The following MCC variants were observed in gnomAD, a reference collection of about 807,000 sequenced individuals.
The protein encoded by MCC is colorectal mutant cancer protein.
Under a neutral mutation model 116.2 loss-of-function variants are expected in MCC, and 90 were observed. The ratio of observed to expected loss-of-function variants is 0.77; its 90% CI spans 0.65 to 0.92. MCC has a LOEUF of 0.92. Among genes scored for constraint, MCC ranks in the 40% least tolerant of loss-of-function variants. The probability of loss-of-function intolerance (pLI) is 0.00; values close to 1 mark genes in which losing one functional copy is unlikely to be tolerated. For missense variants in MCC, 1,516 were observed against 1,312.2 expected, an observed-to-expected ratio of 1.16 and a Z score of -2.40; for synonymous variants, 578 against 510.5, an observed-to-expected ratio of 1.13 and a Z score of -1.78.
chr5:113,143,163 C>T (rs1309711785), intron 5 of MCC, 55 bp downstream of exon 5: 6 of 1,518,214 alleles, frequency 4.0e-6, no homozygotes, highest in South Asian at 1.3e-5. Context: ...ACTTCAGCTC[C>T]AAGATGGAGG....
intron 3 of MCC, among the ~76,000 whole-genome samples, chr5:113,321,586 G>A (rs1767424253): frequency 6.6e-6 from 1 of 152,212 alleles, no homozygotes; most frequent in Non-Finnish European, 1.5e-5. Context: ...TTGAGAGATA[G>A]CTTCTCAATT....
intron 3 of MCC, among the ~76,000 whole-genome samples, chr5:113,161,625 T>TGTGTGTGTGTGTGTGA (rs1760491098): frequency 1.2e-3 from 1 of 816 alleles, no homozygotes; most frequent in African/African-American, 1.6e-3. Context: ...GATTTATGTG[T>TGTGTGTGTGTGTGTGA]GTGTGTGTGT....
At chr5:113,053,104 T>C (rs1437675641) in intron 15 of MCC, among the ~76,000 whole-genome samples, 1 of 152,158 alleles carries the variant, frequency 6.6e-6, no homozygotes, top group African/African-American at 2.4e-5. Flanking sequence ...GTTTAACTAC[T>C]TCCCAGTAGG....
intron 1 of MCC, among the ~76,000 whole-genome samples, chr5:113,429,493 G>C (rs1384119136): frequency 6.6e-6 from 1 of 152,158 alleles, no homozygotes; most frequent in African/African-American, 2.4e-5. Flanking sequence ...ACTAAGATAG[G>C]GGGTGAAGGG....
chr5:113,230,671 T>C (rs778282129), intron 3 of MCC, among the ~76,000 whole-genome samples: 1 of 152,172 alleles, frequency 6.6e-6, no homozygotes, highest in South Asian at 2.1e-4. Context: ...ACTCTTCCTA[T>C]ATTTGGAGGA....
intron 1 of MCC, among the ~76,000 whole-genome samples, chr5:113,457,116 A>G (rs960597724): frequency 2.0e-5 from 3 of 151,954 alleles, no homozygotes; most frequent in African/African-American, 7.3e-5. Context: ...GCCAGAGCCC[A>G]CTCCCTCAGC....
intron 3 of MCC, among the ~76,000 whole-genome samples, chr5:113,303,690 T>C (rs1399327943): frequency 2.0e-5 from 3 of 152,116 alleles, no homozygotes; most frequent in Non-Finnish European, 4.4e-5. Flanking sequence ...AGACAGAGTC[T>C]CACTCTGTCG....
intron 5 of MCC, among the ~76,000 whole-genome samples, chr5:113,139,951 G>A (rs2150283795): frequency 6.6e-6 from 1 of 152,140 alleles, no homozygotes; most frequent in South Asian, 2.1e-4. Flanking sequence ...AAGAGCTTCT[G>A]CATAGCAAAA....
chr5:113,126,775 G>T (rs4705544), intron 5 of MCC, among the ~76,000 whole-genome samples: 76,786 of 151,998 alleles, frequency 0.51, 21,216 homozygotes, highest in East Asian at 0.72. Context: ...GTCAACAGTA[G>T]ACTATTAGTA....
At chr5:113,064,542 G>A (rs1351554170) in intron 13 of MCC, among the ~76,000 whole-genome samples, 1 of 152,184 alleles carries the variant, frequency 6.6e-6, no homozygotes, top group African/African-American at 2.4e-5. Context: ...CTGTGCATTG[G>A]CACTTCCCTG....
At chr5:113,031,057 C>A (rs1335117203) in intron 17 of MCC, among the ~76,000 whole-genome samples, 1 of 152,130 alleles carries the variant, frequency 6.6e-6, no homozygotes, top group Non-Finnish European at 1.5e-5. Context: ...TTTCATATAT[C>A]TAATCTTTTA....
At chr5:113,488,106 T>C in intron 1 of MCC, 139 bp downstream of exon 1, 1 of 859,482 alleles carries the variant, frequency 1.2e-6, no homozygotes, top group South Asian at 2.2e-5. Flanking sequence ...GGCTACGCGC[T>C]CTCGGAGTCG....
intron 1 of MCC, among the ~76,000 whole-genome samples, chr5:113,478,261 G>T (rs1580427100): frequency 6.6e-6 from 1 of 152,138 alleles, no homozygotes; most frequent in Admixed American, 6.5e-5. Context: ...GCTGCTGTAT[G>T]CCTGGGCCTT....
chr5:113,412,087 T>C (rs1041829050), intron 1 of MCC, among the ~76,000 whole-genome samples: 1 of 152,170 alleles, frequency 6.6e-6, no homozygotes, highest in African/African-American at 2.4e-5. Flanking sequence ...GTTGTAGATG[T>C]GTGGTGTTAT....
chr5:113,171,553 C>A (rs1761072587), intron 3 of MCC, among the ~76,000 whole-genome samples: 1 of 152,032 alleles, frequency 6.6e-6, no homozygotes, highest in Admixed American at 6.6e-5. Context: ...CAGGGTTTCA[C>A]CATGTTGCCC....
intron 3 of MCC, among the ~76,000 whole-genome samples, chr5:113,233,757 T>C (rs1764025423): frequency 6.6e-6 from 1 of 152,202 alleles, no homozygotes; most frequent in Non-Finnish European, 1.5e-5. Context: ...CTGAGTCACC[T>C]AAGATATATT....
rs555440673 is a variant in MCC at position 113,026,134 on chromosome 5, C to T, written c.*1168G>A. 4.6e-5 allele frequency: 7 copies of T among 152,344 alleles called. No homozygotes were observed. The East Asian group carries it at 1.2e-3, about 25-fold the overall frequency. The allele number at this position is 152,344 out of a possible 1,614,324, so 9.4% of individuals were successfully genotyped here. On this transcript the variant is annotated 3_prime_UTR_variant, in exon 19 of 19. Coordinates refer to ENST00000408903, the MANE Select transcript of MCC (RefSeq NM_001085377.2). ...CTTTGGTACTGCCTAGCCCTGTAAG[C>T]ATTTTGCTTGAAATTTAACCTTTTA...
intron 11 of MCC, among the ~76,000 whole-genome samples, chr5:113,076,296 G>C (rs999347061): frequency 6.6e-6 from 1 of 152,112 alleles, no homozygotes; most frequent in African/African-American, 2.4e-5. Flanking sequence ...TCACATTCAG[G>C]AAATACAGAG....
rs923287682 is a variant in MCC at position 113,115,675 on chromosome 5, G to C, written c.1027+7009C>G. On this transcript the variant is annotated intron_variant, in intron 6 of 18. Coordinates refer to ENST00000408903, the MANE Select transcript of MCC (RefSeq NM_001085377.2). Reference sequence around the variant, plus strand: ...CCAGCCTCGGTGGCAGAAAAGTTCCGTCAGTGGTTTCTGCCAGAACTTTTC... The same window carrying C: ...CCAGCCTCGGTGGCAGAAAAGTTCCCTCAGTGGTTTCTGCCAGAACTTTTC... Among the ~76,000 whole-genome samples, 3 of 152,040 alleles carry C rather than the reference G, an allele frequency of 2.0e-5. No individual in the cohort carries two copies. In the South Asian group the frequency reaches 6.2e-4, roughly 32 times the overall value.
Sources: allele counts gnomAD v4.1 joint callset (sites outside exome capture counted in the v4.1 genomes callset), GRCh38; gene constraint gnomAD v4.1.1; transcripts MANE v1.5; gene names NCBI Gene and HGNC (gene_info 2026-07-23, HGNC 2026-07-21).